FRMD4A: variants seen among roughly 807,000 people sequenced by gnomAD.
The protein encoded by FRMD4A is FERM domain-containing protein 4A.
In FRMD4A, 29 loss-of-function variants were observed where a neutral mutation model predicts 129.1. The ratio of observed to expected loss-of-function variants is 0.22; its 90% CI spans 0.17 to 0.31. The LOEUF (loss-of-function observed/expected upper bound fraction) is 0.31. FRMD4A is among the 10% of genes least tolerant of loss of function. The pLI is 1.00. For synonymous variants in FRMD4A, 634 were observed against 571.6 expected, an observed-to-expected ratio of 1.11 and a Z score of -1.56; for missense variants, 1,272 against 1,375.8, an observed-to-expected ratio of 0.92 and a Z score of 1.19.
chr10:13,919,166 G>GA (rs980920365), intron 2 of FRMD4A, among the ~76,000 whole-genome samples: 6 of 151,076 alleles, frequency 4.0e-5, no homozygotes, highest in South Asian at 2.1e-4. Flanking sequence ...TGATGTGTAG[G>GA]AAAAAAAAAG....
intron 2 of FRMD4A, among the ~76,000 whole-genome samples, chr10:14,082,138 T>C (rs1835965397): frequency 6.6e-6 from 1 of 151,982 alleles, no homozygotes; most frequent in South Asian, 2.1e-4. Context: ...TCCCAGCTAC[T>C]TGGGAGGCTG....
rs372379065 is a variant in FRMD4A at position 13,663,532 on chromosome 10, C to G, written c.1604-23G>C. On this transcript the variant is annotated intron_variant, in intron 18 of 24. Coordinates refer to ENST00000357447, the MANE Select transcript of FRMD4A (RefSeq NM_018027.5). Reference sequence around the variant, plus strand: ...CATCTGAGAAGACAAAAAGCAATAGCCTATGAGTTCAGCACATTCCTTCAG... The same window carrying G: ...CATCTGAGAAGACAAAAAGCAATAGGCTATGAGTTCAGCACATTCCTTCAG... 3.1e-4 allele frequency: 402 copies of G among 1,283,458 alleles called. 5 individuals are homozygous for G. In the South Asian group the frequency reaches 4.3e-3, roughly 14 times the overall value. The allele number at this position is 1,283,458 out of a possible 1,614,324, so 79.5% of individuals were successfully genotyped here. A position where few individuals can be genotyped will look rare whatever the true frequency, so the allele number is the denominator to read the frequency against.
intron 2 of FRMD4A, among the ~76,000 whole-genome samples, chr10:14,056,677 A>G (rs1834548548): frequency 6.6e-6 from 1 of 152,038 alleles, no homozygotes; most frequent in African/African-American, 2.4e-5. Flanking sequence ...CTTGTTTGCT[A>G]CTGGCTTTCT....
intron 2 of FRMD4A, among the ~76,000 whole-genome samples, chr10:14,085,263 G>C (rs1836196995): frequency 6.6e-6 from 1 of 152,206 alleles, no homozygotes; most frequent in African/African-American, 2.4e-5. Flanking sequence ...TTACTTAACT[G>C]TGTGGCCTTG....
intron 2 of FRMD4A, among the ~76,000 whole-genome samples, chr10:14,032,557 G>T (rs926960387): frequency 6.6e-6 from 1 of 152,160 alleles, no homozygotes; most frequent in African/African-American, 2.4e-5. Flanking sequence ...CCACACCCGC[G>T]ACCCCTCCCT....
chr10:14,106,956 C>T (rs1469772812), intron 2 of FRMD4A, among the ~76,000 whole-genome samples: 2 of 152,130 alleles, frequency 1.3e-5, no homozygotes. Flanking sequence ...ACCTAAGTGC[C>T]CAGCAATGGT....
intron 2 of FRMD4A, among the ~76,000 whole-genome samples, chr10:14,274,488 A>T (rs891815801): frequency 6.6e-6 from 1 of 152,142 alleles, no homozygotes; most frequent in Non-Finnish European, 1.5e-5. Context: ...AAAAGCTCAT[A>T]GGAGATCTCG....
intron 2 of FRMD4A, among the ~76,000 whole-genome samples, chr10:14,019,807 G>C (rs1407887319): frequency 1.3e-5 from 2 of 152,162 alleles, no homozygotes; most frequent in African/African-American, 2.4e-5. Context: ...AGAACCACAG[G>C]CCTCTTTCTG....
At chr10:13,808,158 T>C (rs1286729652) in intron 4 of FRMD4A, among the ~76,000 whole-genome samples, 1 of 152,230 alleles carries the variant, frequency 6.6e-6, no homozygotes, top group Non-Finnish European at 1.5e-5. Flanking sequence ...ATCTTGCACT[T>C]GTACGGCACT....
chr10:14,269,425 G>A lies in FRMD4A; in HGVS notation c.45+60633C>T, dbSNP rs189199929. Among the ~76,000 whole-genome samples the A allele has an allele frequency of 1.4e-4, 21 of 152,280 alleles. 1 individual carries two copies. The East Asian group carries it at 3.5e-3, about 25-fold the overall frequency. ...AAAATCAGGGTGTCCACTGGGCTGT[G>A]TTCCTTCTGGAGGCCCTAAAAAGAA... On this transcript the variant is annotated intron_variant, in intron 2 of 24. Transcript: ENST00000357447.
intron 2 of FRMD4A, among the ~76,000 whole-genome samples, chr10:14,161,840 C>G (rs72778618): frequency 6.6e-6 from 1 of 152,018 alleles, no homozygotes; most frequent in African/African-American, 2.4e-5. Flanking sequence ...GATAAATGTT[C>G]AAGGTGATGG....
chr10:13,752,923 G>A (rs1239093895), intron 8 of FRMD4A, among the ~76,000 whole-genome samples: 1 of 152,208 alleles, frequency 6.6e-6, no homozygotes, highest in Admixed American at 6.5e-5. Flanking sequence ...GGCTGGAGGT[G>A]TTGATGTGTT....
chr10:14,316,270 G>A (rs1688390635), intron 2 of FRMD4A, among the ~76,000 whole-genome samples: 1 of 152,106 alleles, frequency 6.6e-6, no homozygotes, highest in African/African-American at 2.4e-5. Flanking sequence ...GTTTTCAAGA[G>A]AGGATTAGGT....
chr10:13,900,024 CAG>C (rs2094801227), intron 2 of FRMD4A, among the ~76,000 whole-genome samples: 1 of 152,086 alleles, frequency 6.6e-6, no homozygotes, highest in East Asian at 1.9e-4. Context: ...GTTAAAAATG[CAG>C]AGAGATCCCT....
At chr10:13,902,308 G>A (rs2094828929) in intron 2 of FRMD4A, among the ~76,000 whole-genome samples, 1 of 152,284 alleles carries the variant, frequency 6.6e-6, no homozygotes, top group South Asian at 2.1e-4. Context: ...GAGCCAGTGT[G>A]CCAGCCTAGG....
intron 2 of FRMD4A, among the ~76,000 whole-genome samples, chr10:13,943,675 A>AAAAAAAAAAAAAAAAAAAAAAG (rs2095310696): frequency 1.6e-5 from 2 of 123,680 alleles, no homozygotes; most frequent in Non-Finnish European, 3.5e-5. Flanking sequence ...AAAAAAAAAA[A>AAAAAAAAAAAAAAAAAAAAAAG]AAAAGAAAAA....
At chr10:14,304,003 A>C (rs572521719) in intron 2 of FRMD4A, among the ~76,000 whole-genome samples, 2 of 152,182 alleles carry the variant, frequency 1.3e-5, no homozygotes, top group Non-Finnish European at 2.9e-5. Context: ...TCCATTTTAC[A>C]TATACAGCAT....
At chr10:14,230,127 C>T (rs2131986280) in intron 2 of FRMD4A, among the ~76,000 whole-genome samples, 1 of 152,148 alleles carries the variant, frequency 6.6e-6, no homozygotes, top group African/African-American at 2.4e-5. Flanking sequence ...CTGAATAAAA[C>T]ACAAGCAACG....
At chr10:13,838,231 G>A (rs911773802) in intron 3 of FRMD4A, among the ~76,000 whole-genome samples, 5 of 150,578 alleles carry the variant, frequency 3.3e-5, no homozygotes, top group Admixed American at 2.0e-4. Flanking sequence ...GACTACAGAC[G>A]TGCACCACCA....
Sources: gnomAD v4.1 joint callset for allele counts (sites outside exome capture counted in the v4.1 genomes callset) on GRCh38, gnomAD v4.1.1 for gene constraint, MANE v1.5 for transcripts, NCBI Gene and HGNC (gene_info 2026-07-23, HGNC 2026-07-21) for gene names.